Variants in SYT1 observed in about 807,000 individuals in gnomAD.
SYT1 encodes the protein synaptotagmin-1.
In SYT1, 8 loss-of-function variants were observed where a neutral mutation model predicts 44.8. The ratio of observed to expected loss-of-function variants is 0.18; its 90% CI spans 0.10 to 0.32. The LOEUF (loss-of-function observed/expected upper bound fraction) is 0.32. SYT1 is among the 10% of genes least tolerant of loss of function. SYT1 has a pLI of 1.00. For synonymous variants in SYT1, 154 were observed against 188.8 expected, an observed-to-expected ratio of 0.82 and a Z score of 1.51; for missense variants, 286 against 509.3, an observed-to-expected ratio of 0.56 and a Z score of 4.22.
intron 1 of SYT1, among the ~76,000 whole-genome samples, chr12:78,911,317 T>G (rs1478492399): frequency 6.6e-6 from 1 of 151,882 alleles, no homozygotes; most frequent in Non-Finnish European, 1.5e-5. Context: ...TTATAGAAAA[T>G]TGAATATATT....
intron 9 of SYT1, among the ~76,000 whole-genome samples, chr12:79,363,663 A>G (rs921422105): frequency 1.4e-4 from 21 of 151,702 alleles, no homozygotes; most frequent in Admixed American, 5.3e-4. Flanking sequence ...CAAGCCCAGG[A>G]GGTCAAGGCT....
At position 79,428,182 on chromosome 12, in the gene SYT1, G is replaced by C. The variant is rs116416555; in HGVS notation, c.929-15891G>C. On this transcript the variant is annotated intron_variant, in intron 9 of 10. Coordinates refer to ENST00000261205, the MANE Select transcript of SYT1 (RefSeq NM_005639.3). ...GAAAGACTGGATGGTACAGTGCCTG[G>C]TCAAAGCCTTTTAAAAATTAGAAGA... Among the ~76,000 whole-genome samples the C allele has an allele frequency of 9.6e-3, 1,461 of 152,224 alleles. 28 individuals are homozygous for C. The highest frequency in any genetic ancestry group is 0.034 in the African/African-American group (1,405 of 41,520).
At chr12:79,311,560 C>T (rs1264497769) in intron 8 of SYT1, among the ~76,000 whole-genome samples, 1 of 148,136 alleles carries the variant, frequency 6.8e-6, no homozygotes, top group African/African-American at 2.5e-5. Context: ...TATAAAGACA[C>T]ATGCACCCGT....
intron 2 of SYT1, among the ~76,000 whole-genome samples, chr12:78,979,292 T>C (rs531985031): frequency 6.6e-6 from 1 of 152,288 alleles, no homozygotes; most frequent in Admixed American, 6.5e-5. Context: ...TTTTGTTCTC[T>C]TCTACATTAA....
intron 4 of SYT1, among the ~76,000 whole-genome samples, chr12:79,261,789 A>C (rs191944627): frequency 2.6e-3 from 397 of 152,306 alleles, no homozygotes; most frequent in Non-Finnish European, 4.3e-3. Context: ...TCATGTAAAG[A>C]AATAAAAGCT....
chr12:79,254,851 G>C (rs1877428362), intron 4 of SYT1, among the ~76,000 whole-genome samples: 1 of 152,194 alleles, frequency 6.6e-6, no homozygotes, highest in Non-Finnish European at 1.5e-5. Flanking sequence ...TAGAAGTGGA[G>C]CCTGAAGATG....
chr12:79,044,887 G>A (rs1018048840), intron 2 of SYT1, among the ~76,000 whole-genome samples: 4 of 152,050 alleles, frequency 2.6e-5, no homozygotes, highest in Non-Finnish European at 5.9e-5. Context: ...GTACGCTGCC[G>A]TGTGAGGTGT....
chr12:78,945,639 C>A (rs1191634268), intron 1 of SYT1, among the ~76,000 whole-genome samples: 2 of 152,044 alleles, frequency 1.3e-5, no homozygotes, highest in African/African-American at 2.4e-5. Context: ...AATCATCAGT[C>A]TTTGGTGCTA....
At chr12:79,140,553 C>A (rs1040400425) in intron 3 of SYT1, among the ~76,000 whole-genome samples, 1 of 152,002 alleles carries the variant, frequency 6.6e-6, no homozygotes, top group African/African-American at 2.4e-5. Flanking sequence ...CCAGGCCTAA[C>A]TGACTATAAA....
chr12:79,014,212 C>T (rs577473417), intron 2 of SYT1, among the ~76,000 whole-genome samples: 1 of 147,580 alleles, frequency 6.8e-6, no homozygotes, highest in East Asian at 2.0e-4. Flanking sequence ...TAATGAAAAA[C>T]CAGTTCAAAT....
chr12:79,369,711 A>AT (rs1318068999), intron 9 of SYT1, among the ~76,000 whole-genome samples: 3 of 151,774 alleles, frequency 2.0e-5, no homozygotes, highest in Admixed American at 6.6e-5. Flanking sequence ...ATCTTTTTTT[A>AT]TTTTTTTTGA....
chr12:79,154,089 G>A (rs979732726), intron 3 of SYT1, among the ~76,000 whole-genome samples: 9 of 152,058 alleles, frequency 5.9e-5, no homozygotes, highest in African/African-American at 2.2e-4. Flanking sequence ...CCAATCATTA[G>A]TGTGAAGTTA....
rs913569414 is a variant in SYT1 at position 79,206,137 on chromosome 12, CAAAA to C, written c.-17-11361_-17-11358del. Among the ~76,000 whole-genome samples, 14 of 151,080 alleles carry C rather than the reference CAAAA, an allele frequency of 9.3e-5. 1 individual carries two copies. The South Asian group carries it at 2.3e-3, about 25-fold the overall frequency. On this transcript the variant is annotated intron_variant, in intron 3 of 10. Coordinates refer to ENST00000261205, the MANE Select transcript of SYT1 (RefSeq NM_005639.3). Reference sequence around the variant, plus strand: ...TTTCATTTTGTCACTCTTGTGCACACAAAAAAAACAAAAATAAAAGCAAAATAAA... The same window carrying C: ...TTTCATTTTGTCACTCTTGTGCACACAAAACAAAAATAAAAGCAAAATAAA...
chr12:79,359,964 C>T (rs1883254937), intron 9 of SYT1, among the ~76,000 whole-genome samples: 1 of 152,010 alleles, frequency 6.6e-6, no homozygotes, highest in African/African-American at 2.4e-5. Flanking sequence ...TCAAAATCAC[C>T]TAGGGTACTT....
intron 4 of SYT1, among the ~76,000 whole-genome samples, chr12:79,220,677 T>A (rs1032427494): frequency 6.6e-6 from 1 of 152,146 alleles, no homozygotes; most frequent in African/African-American, 2.4e-5. Flanking sequence ...TTTCATTTCT[T>A]CAGTGACCCA....
chr12:79,092,477 A>T (rs1877845862), intron 3 of SYT1, among the ~76,000 whole-genome samples: 1 of 151,746 alleles, frequency 6.6e-6, no homozygotes, highest in African/African-American at 2.4e-5. Flanking sequence ...ACACCTTCCC[A>T]TATTCCCGTA....
At chr12:79,143,419 G>C (rs1869686470) in intron 3 of SYT1, among the ~76,000 whole-genome samples, 1 of 152,072 alleles carries the variant, frequency 6.6e-6, no homozygotes, top group African/African-American at 2.4e-5. Context: ...TTGAAGTTTA[G>C]TCTTTCTTTG....
chr12:78,878,142 T>TTG (rs902656298), intron 1 of SYT1, among the ~76,000 whole-genome samples: 3 of 151,428 alleles, frequency 2.0e-5, no homozygotes, highest in Non-Finnish European at 3.0e-5. Context: ...GCACTCTTTT[T>TTG]TGTGTGTGTG....
At chr12:78,885,022 G>C (rs1176029420) in intron 1 of SYT1, among the ~76,000 whole-genome samples, 2 of 151,916 alleles carry the variant, frequency 1.3e-5, no homozygotes, top group African/African-American at 4.8e-5. Flanking sequence ...TTGAGGCACA[G>C]AGAAATGATA....
Sources: allele counts gnomAD v4.1 joint callset (sites outside exome capture counted in the v4.1 genomes callset), GRCh38; gene constraint gnomAD v4.1.1; transcripts MANE v1.5; gene names NCBI Gene and HGNC (gene_info 2026-07-23, HGNC 2026-07-21).